CDH13: variants seen among roughly 807,000 people sequenced by gnomAD.
CDH13 encodes the protein cadherin 13.
In CDH13, 24 loss-of-function variants were observed where a neutral mutation model predicts 63.8. That is an observed-to-expected ratio of 0.38 (90% CI 0.27 to 0.53). The LOEUF is 0.53. CDH13 is among the 20% of genes least tolerant of loss of function. The pLI is 0.85. For synonymous variants in CDH13, 503 were observed against 355.3 expected, an observed-to-expected ratio of 1.42 and a Z score of -4.67; for missense variants, 1,049 against 903.1, an observed-to-expected ratio of 1.16 and a Z score of -2.07.
At chr16:83,452,039 G>A (rs1210377897) in intron 6 of CDH13, among the ~76,000 whole-genome samples, 1 of 152,060 alleles carries the variant, frequency 6.6e-6, no homozygotes, top group African/African-American at 2.4e-5. Flanking sequence ...GTGCCAAATT[G>A]AGCCTCATCT....
At chr16:83,673,958 G>A (rs1175618213) in intron 9 of CDH13, among the ~76,000 whole-genome samples, 2 of 152,154 alleles carry the variant, frequency 1.3e-5, no homozygotes, top group African/African-American at 4.8e-5. Context: ...TTGGAATTGG[G>A]ATGCAGACTC....
intron 6 of CDH13, among the ~76,000 whole-genome samples, chr16:83,480,838 C>T (rs1471102878): frequency 6.6e-6 from 1 of 152,164 alleles, no homozygotes; most frequent in Non-Finnish European, 1.5e-5. Context: ...ACTAGATATT[C>T]CCCAAAATGC....
intron 4 of CDH13, among the ~76,000 whole-genome samples, chr16:83,213,327 C>G (rs976525502): frequency 2.0e-5 from 3 of 152,154 alleles, no homozygotes; most frequent in Non-Finnish European, 4.4e-5. Flanking sequence ...GGGATAATTT[C>G]TGGGTCTAGA....
intron 7 of CDH13, among the ~76,000 whole-genome samples, chr16:83,497,986 AAC>A (rs2074187984): frequency 6.6e-6 from 1 of 152,252 alleles, no homozygotes; most frequent in South Asian, 2.1e-4. Flanking sequence ...ACCATTAAGA[AAC>A]AGGCAACCTC....
In CDH13 at chr16:83,214,884, C is replaced by G. The variant is rs942732257; in HGVS notation, c.484-2461C>G. On this transcript the variant is annotated intron_variant, in intron 4 of 13. Transcript: ENST00000567109. ...AGCTAGGATTGCAACATATAGCTGT[C>G]TAATCCGTGGAGTTCATTCTCGCTA... 2.0e-5 allele frequency among the ~76,000 whole-genome samples: 3 copies of G among 151,924 alleles called. No individual in the cohort carries two copies. The East Asian group carries it at 5.8e-4, about 29-fold the overall frequency.
At chr16:82,945,044 A>G (rs960099872) in intron 2 of CDH13, among the ~76,000 whole-genome samples, 2 of 152,210 alleles carry the variant, frequency 1.3e-5, no homozygotes, top group Non-Finnish European at 2.9e-5. Flanking sequence ...GCTTCCTGAG[A>G]GCCAAAACAA....
At chr16:82,946,983 A>G (rs1904792280) in intron 2 of CDH13, among the ~76,000 whole-genome samples, 1 of 147,098 alleles carries the variant, frequency 6.8e-6, no homozygotes, top group Admixed American at 6.8e-5. Flanking sequence ...ACTAGGCCAA[A>G]GTCTTTATAA....
At chr16:83,201,536 C>T (rs1224966324) in intron 4 of CDH13, among the ~76,000 whole-genome samples, 1 of 152,008 alleles carries the variant, frequency 6.6e-6, no homozygotes, top group Non-Finnish European at 1.5e-5. Flanking sequence ...TACCAGACAC[C>T]ACTGGGAAAG....
chr16:83,636,661 T>C (rs1911292213), intron 8 of CDH13, among the ~76,000 whole-genome samples: 1 of 152,230 alleles, frequency 6.6e-6, no homozygotes, highest in South Asian at 2.1e-4. Context: ...AACCCACCAT[T>C]GATGGGCACC....
intron 3 of CDH13, among the ~76,000 whole-genome samples, chr16:83,040,812 C>A (rs1350163225): frequency 6.6e-6 from 1 of 152,198 alleles, no homozygotes; most frequent in Non-Finnish European, 1.5e-5. Flanking sequence ...TCACAACAAA[C>A]TGGAGTTATT....
intron 2 of CDH13, among the ~76,000 whole-genome samples, chr16:82,923,272 G>A (rs996094566): frequency 3.3e-5 from 5 of 152,174 alleles, no homozygotes; most frequent in African/African-American, 1.2e-4. Flanking sequence ...GCACAAGGTG[G>A]GAATTTGATG....
intron 6 of CDH13, among the ~76,000 whole-genome samples, chr16:83,373,951 C>G (rs750812792): frequency 1.3e-5 from 2 of 152,160 alleles, no homozygotes; most frequent in Non-Finnish European, 2.9e-5. Context: ...GCATGCTGAC[C>G]TTACTCAACC....
intron 1 of CDH13, among the ~76,000 whole-genome samples, chr16:82,801,258 C>G (rs2036840734): frequency 6.6e-6 from 1 of 152,216 alleles, no homozygotes; most frequent in Admixed American, 6.5e-5. Flanking sequence ...ATTTCCCACT[C>G]TGCTATCAGC....
chr16:82,738,532 G>A (rs568797221), intron 1 of CDH13, among the ~76,000 whole-genome samples: 46 of 152,244 alleles, frequency 3.0e-4, no homozygotes, highest in African/African-American at 1.1e-3. Context: ...AAATTCCTTA[G>A]CTTAGTAGTT....
intron 7 of CDH13, among the ~76,000 whole-genome samples, chr16:83,579,387 C>A (rs1365414541): frequency 6.6e-6 from 1 of 152,144 alleles, no homozygotes; most frequent in Non-Finnish European, 1.5e-5. Context: ...GTACGGGAAG[C>A]ATGGCTAGGG....
intron 2 of CDH13, among the ~76,000 whole-genome samples, chr16:82,940,675 C>G (rs1349513660): frequency 2.0e-5 from 3 of 152,160 alleles, no homozygotes; most frequent in Non-Finnish European, 4.4e-5. Flanking sequence ...TTCTAATTTT[C>G]TTTTGCTCAC....
chr16:82,773,793 T>TC lies in CDH13; in HGVS notation c.46-84569_46-84568insC, dbSNP rs554487237. On this transcript the variant is annotated intron_variant, in intron 1 of 13. Transcript: ENST00000567109. ...ATATTGTTTTTCTTCTTCTTCTTCT[T>TC]TTTTTTTTTAAATGGAGTTTCACAC... 3.3e-3 allele frequency among the ~76,000 whole-genome samples: 466 copies of TC among 141,566 alleles called. 3 individuals carry two copies. The highest frequency in any genetic ancestry group is 0.011 in the African/African-American group (432 of 40,334). The allele number at this position is 141,566 out of a possible 152,430, so 92.9% of individuals were successfully genotyped here. A position where few individuals can be genotyped will look rare whatever the true frequency, so the allele number is the denominator to read the frequency against.
intron 12 of CDH13, among the ~76,000 whole-genome samples, chr16:83,782,668 G>A (rs570073891): frequency 6.6e-5 from 10 of 151,408 alleles, no homozygotes; most frequent in Admixed American, 3.9e-4. Flanking sequence ...CCCAGGATGC[G>A]GAGGTTGCAA....
At chr16:83,439,587 T>C (rs944355000) in intron 6 of CDH13, among the ~76,000 whole-genome samples, 9 of 152,242 alleles carry the variant, frequency 5.9e-5, no homozygotes, top group South Asian at 2.1e-4. Flanking sequence ...ACAGCCGTAA[T>C]TGGCAAAGAA....
Sources: gnomAD v4.1 joint callset for allele counts (sites outside exome capture counted in the v4.1 genomes callset) on GRCh38, gnomAD v4.1.1 for gene constraint, MANE v1.5 for transcripts, NCBI Gene and HGNC (gene_info 2026-07-23, HGNC 2026-07-21) for gene names.